ENTPD5: variants seen among roughly 807,000 people sequenced by gnomAD.
ENTPD5 encodes the protein ectonucleoside triphosphate diphosphohydrolase 5 (inactive), also known as nucleoside diphosphate phosphatase ENTPD5.
In ENTPD5, 49 loss-of-function variants were observed where a neutral mutation model predicts 60.2. The ratio of observed to expected loss-of-function variants is 0.81; its 90% CI spans 0.65 to 1.03. The LOEUF (loss-of-function observed/expected upper bound fraction) is 1.03. Ranked by LOEUF, ENTPD5 falls within the 50% of genes least tolerant of loss-of-function variation. The pLI, the probability that ENTPD5 is intolerant of heterozygous loss-of-function variation, is 0.00. For missense variants in ENTPD5, 480 were observed against 507.6 expected (o/e 0.95, Z 0.52); for synonymous variants, 187 against 185.4 (o/e 1.01, Z -0.07).
intron 6 of ENTPD5, among the ~76,000 whole-genome samples, chr14:73,982,539 G>C (rs915901658): frequency 6.6e-6 from 1 of 151,898 alleles, no homozygotes; most frequent in Non-Finnish European, 1.5e-5. Context: ...GGCAGATCAC[G>C]AGGTCAGGAG....
intron 3 of ENTPD5, among the ~76,000 whole-genome samples, chr14:74,004,741 T>A (rs2058619321): frequency 6.6e-6 from 1 of 152,064 alleles, no homozygotes; most frequent in African/African-American, 2.4e-5. Context: ...TCCAGAGCAG[T>A]CAATCCAAGA....
intron 3 of ENTPD5, among the ~76,000 whole-genome samples, chr14:73,998,356 T>C (rs910737645): frequency 6.6e-6 from 1 of 152,152 alleles, no homozygotes; most frequent in Admixed American, 6.5e-5. Context: ...AGCTCAGGGC[T>C]GCCTTTGCTC....
intron 1 of ENTPD5, among the ~76,000 whole-genome samples, chr14:74,017,368 T>C (rs1371106733): frequency 1.3e-5 from 2 of 148,850 alleles, no homozygotes; most frequent in Non-Finnish European, 1.5e-5. Flanking sequence ...ATGGTATGTA[T>C]AATAAGGTTT....
chr14:73,963,388 C>T lies in ENTPD5; in HGVS notation c.*3540G>A, dbSNP rs1176848259. On this transcript the variant is annotated 3_prime_UTR_variant, in exon 16 of 16. Coordinates refer to ENST00000334696, the MANE Select transcript of ENTPD5 (RefSeq NM_001249.5). ...TTTTTTGATAGAGGTAAGAATTAGACTCGATGCATTTTTGTTAGAATTGCT... is the reference window on the plus strand; with the variant it reads ...TTTTTTGATAGAGGTAAGAATTAGATTCGATGCATTTTTGTTAGAATTGCT... 2 of 318,658 alleles carry T rather than the reference C, an allele frequency of 6.3e-6. No individual in the cohort carries two copies. The highest frequency in any genetic ancestry group is 4.3e-5 in the African/African-American group (2 of 46,460). The allele number at this position is 318,658 out of a possible 1,614,324, so 19.7% of individuals were successfully genotyped here.
chr14:74,004,829 G>C (rs1367878497), intron 3 of ENTPD5, among the ~76,000 whole-genome samples: 2 of 152,058 alleles, frequency 1.3e-5, no homozygotes, highest in African/African-American at 4.8e-5. Flanking sequence ...ATATTCTAAT[G>C]CTCATACAGA....
rs1358563133 is a variant in ENTPD5, at chr14:73,967,096, C to A, written c.1201-82G>T. The A allele has an allele frequency of 2.5e-6, 3 of 1,187,168 alleles. No homozygotes were observed. The South Asian group carries it at 3.9e-5, about 15-fold the overall frequency. The allele number at this position is 1,187,168 out of a possible 1,614,324, so 73.5% of individuals were successfully genotyped here. A position where few individuals can be genotyped will look rare whatever the true frequency, so the allele number is the denominator to read the frequency against. ...ACAGCTCTTGGGCAGAAAATATTGG[C>A]AAAGAATATCCACATGGGCAAACCA... is the stretch of plus-strand genomic sequence containing the variant. On this transcript the variant is annotated intron_variant, in intron 15 of 15. Transcript: ENST00000334696.
At chr14:73,975,083 G>C (rs2057384747) in intron 10 of ENTPD5, 98 bp from the exon 11 acceptor site, 16 of 941,984 alleles carry the variant, frequency 1.7e-5, no homozygotes, top group Non-Finnish European at 2.7e-5. Flanking sequence ...TGTCCCTCTG[G>C]AAAGATGAAA....
chr14:73,995,838 T>G (rs750162601), intron 3 of ENTPD5, among the ~76,000 whole-genome samples: 12 of 152,074 alleles, frequency 7.9e-5, no homozygotes, highest in Non-Finnish European at 1.3e-4. Flanking sequence ...ACAGTTGGTC[T>G]TCTCATTTTC....
In ENTPD5 at chr14:74,019,238, T is replaced by G. The variant is rs964894172; in HGVS notation, c.-238+12A>C. ...GTAGAGGATCCGGCGCCGCCGACACTCGCACACTCACCGCGCGCGCGCCAC... is the reference window on the plus strand; with the variant it reads ...GTAGAGGATCCGGCGCCGCCGACACGCGCACACTCACCGCGCGCGCGCCAC... On this transcript the variant is annotated intron_variant, in intron 1 of 15. Coordinates refer to ENST00000334696, the MANE Select transcript of ENTPD5 (RefSeq NM_001249.5). 1 of 195,420 alleles carries G rather than the reference T, an allele frequency of 5.1e-6. No individual in the cohort carries two copies. The highest frequency in any genetic ancestry group is 2.4e-5 in the African/African-American group (1 of 42,090). 12.1% of individuals were successfully genotyped at this position (195,420 alleles called of 1,614,324 possible).
rs142418154 is a variant in ENTPD5 at position 73,991,176 on chromosome 14, C to T, written c.-70-3004G>A. ...AGAAACCAACAAAAACAATTAAGTG[C>T]TTTTTGTTTTGGTGATTTGTATCTG... On this transcript the variant is annotated intron_variant, in intron 3 of 15. Transcript: ENST00000334696. Among the ~76,000 whole-genome samples, 636 of 152,198 alleles carry T rather than the reference C, an allele frequency of 4.2e-3. 5 individuals are homozygous for T. Among genetic ancestry groups the T allele is most frequent in the Non-Finnish European group, 6.8e-3 (461 of 68,000 alleles).
chr14:73,984,493 C>A (rs768260936), intron 5 of ENTPD5, among the ~76,000 whole-genome samples: 10 of 152,188 alleles, frequency 6.6e-5, no homozygotes, highest in Non-Finnish European at 1.5e-4. Flanking sequence ...ATATGGCACA[C>A]AGTAGATGCT....
At chr14:73,958,016 A>T, downstream of ENTPD5, 1 of 790,156 alleles carries the variant, frequency 1.3e-6, no homozygotes, top group East Asian at 2.5e-5. Flanking sequence ...AGCATTAATT[A>T]CTGATTTTTT....
At position 73,975,931 on chromosome 14, in the gene ENTPD5, C is replaced by G; in HGVS notation, c.722+5G>C. The G allele has an allele frequency of 6.3e-7, 1 of 1,597,930 alleles. No homozygotes were observed. Among genetic ancestry groups the G allele is most frequent in the Non-Finnish European group, 8.6e-7 (1 of 1,167,460 alleles). On this transcript the variant is annotated splice_donor_5th_base_variant and intron_variant, in intron 10 of 15. Coordinates refer to ENST00000334696, the MANE Select transcript of ENTPD5 (RefSeq NM_001249.5). ...AATATTCTTCTTCCCTGTCCCCGTC[C>G]TCACCTATGTGTATAGAGCTTATAA...
At chr14:74,007,806 G>A (rs1320767835) in intron 3 of ENTPD5, 1 of 150,032 alleles carries the variant, frequency 6.7e-6, no homozygotes, top group Admixed American at 6.7e-5. Flanking sequence ...CGGTGACAGA[G>A]TGAGACCTTG....
At chr14:73,973,737 T>C in intron 12 of ENTPD5, 140 bp downstream of exon 12, 1 of 690,368 alleles carries the variant, frequency 1.4e-6, no homozygotes, top group Non-Finnish European at 2.5e-6. Flanking sequence ...ACATTAGTCC[T>C]TGGAGGCATG....
intron 3 of ENTPD5, among the ~76,000 whole-genome samples, chr14:74,007,382 A>G (rs534980822): frequency 9.3e-4 from 141 of 152,238 alleles, no homozygotes; most frequent in South Asian, 5.2e-3. Context: ...TTAGCTGGGC[A>G]TGCTGGCGCA....
intron 3 of ENTPD5, among the ~76,000 whole-genome samples, chr14:74,005,756 G>A (rs990432739): frequency 6.6e-6 from 1 of 152,020 alleles, no homozygotes; most frequent in Non-Finnish European, 1.5e-5. Flanking sequence ...GCGGTAAGCT[G>A]AGATCATGCC....
At chr14:74,007,558 T>G (rs1173030633) in intron 3 of ENTPD5, 2 of 151,246 alleles carry the variant, frequency 1.3e-5, no homozygotes, top group African/African-American at 4.9e-5. Flanking sequence ...AGGTATTTGG[T>G]GAAAAGGGAC....
chr14:73,985,086 G>T (rs1469825702), intron 5 of ENTPD5, among the ~76,000 whole-genome samples: 1 of 151,966 alleles, frequency 6.6e-6, no homozygotes. Context: ...TTTTTTTATG[G>T]CTACATAGTA....
Sources: allele counts gnomAD v4.1 joint callset (sites outside exome capture counted in the v4.1 genomes callset), GRCh38; gene constraint gnomAD v4.1.1; transcripts MANE v1.5; gene names NCBI Gene and HGNC (gene_info 2026-07-23, HGNC 2026-07-21).